The following CASTOR2 variants were observed in gnomAD, a reference collection of about 807,000 sequenced individuals.
CASTOR2 encodes the protein GATS protein like 2.
Under a neutral mutation model 31.2 loss-of-function variants are expected in CASTOR2, and 8 were observed. The ratio of observed to expected loss-of-function variants is 0.26; its 90% CI spans 0.15 to 0.46. The LOEUF is 0.46. Among genes scored for constraint, CASTOR2 ranks in the 20% least tolerant of loss-of-function variants. The probability of loss-of-function intolerance (pLI) is 0.99; values close to 1 mark genes in which losing one functional copy is unlikely to be tolerated. For synonymous variants in CASTOR2, 162 were observed against 158.7 expected (o/e 1.02, Z -0.16); for missense variants, 216 against 382.1 (o/e 0.57, Z 3.62).
At chr7:74,988,934 C>G (rs1345580218) in intron 1 of CASTOR2, among the ~76,000 whole-genome samples, 16 of 149,380 alleles carry the variant, frequency 1.1e-4, no homozygotes, top group Non-Finnish European at 1.5e-4. Context: ...AATATTAGGG[C>G]ATTCAGCCAT....
chr7:75,027,941 C>A lies in CASTOR2; in HGVS notation c.*3242C>A. 1 of 1,385,930 alleles carries A rather than the reference C, an allele frequency of 7.2e-7. No homozygotes were observed. Among genetic ancestry groups the A allele is most frequent in the Non-Finnish European group, 9.9e-7 (1 of 1,012,194 alleles). The allele number at this position is 1,385,930 out of a possible 1,614,324, so 85.9% of individuals were successfully genotyped here. On this transcript the variant is annotated 3_prime_UTR_variant, in exon 9 of 9. Coordinates refer to ENST00000616305, the MANE Select transcript of CASTOR2 (RefSeq NM_001145064.3). ...GGGAGGGTCTCTCCAGGCCCCAGAC[C>A]CCACTTGGAGGGGCATGTGTTTCTC...
chr7:74,981,419 G>A (rs1554436264), intron 1 of CASTOR2, among the ~76,000 whole-genome samples: 1 of 142,552 alleles, frequency 7.0e-6, no homozygotes, highest in African/African-American at 2.6e-5. Context: ...AACCTCAGGT[G>A]ATCCACCCGC....
intron 2 of CASTOR2, among the ~76,000 whole-genome samples, chr7:75,011,499 C>A (rs1351655176): frequency 1.3e-5 from 2 of 150,408 alleles, no homozygotes; most frequent in African/African-American, 4.9e-5. Context: ...CTTTGGGAGG[C>A]CGAGGTGGGT....
chr7:74,994,469 G>A (rs1309288617), intron 1 of CASTOR2, among the ~76,000 whole-genome samples: 2 of 152,120 alleles, frequency 1.3e-5, no homozygotes, highest in Non-Finnish European at 2.9e-5. Context: ...TGAATCAACC[G>A]CCCGGGTGTG....
intron 2 of CASTOR2, among the ~76,000 whole-genome samples, chr7:75,010,145 C>T (rs1804704555): frequency 6.6e-6 from 1 of 151,972 alleles, no homozygotes; most frequent in Non-Finnish European, 1.5e-5. Flanking sequence ...CAGCATGGTC[C>T]TTTCTGGGGG....
rs1805294460 is a variant in CASTOR2, at chr7:75,031,231, AT to A, written c.*6533del. On this transcript the variant is annotated 3_prime_UTR_variant, in exon 9 of 9. Transcript: ENST00000616305. ...CTCTGCCCTGCCCAGAGCCCCCACC[AT>A]CGTAGTGGGGGCAGGGGACTTCCTG... 1.3e-5 allele frequency among the ~76,000 whole-genome samples: 2 copies of A among 152,108 alleles called. No homozygotes were observed. The highest frequency in any genetic ancestry group is 4.8e-5 in the African/African-American group (2 of 41,524).
chr7:74,988,724 C>T (rs1309330045), intron 1 of CASTOR2, among the ~76,000 whole-genome samples: 1 of 152,150 alleles, frequency 6.6e-6, no homozygotes, highest in Non-Finnish European at 1.5e-5. Context: ...CACTGCCCCC[C>T]ACAGCGACCA....
chr7:75,021,559 G>A (rs1805005596), intron 6 of CASTOR2, among the ~76,000 whole-genome samples: 1 of 152,162 alleles, frequency 6.6e-6, no homozygotes, highest in Non-Finnish European at 1.5e-5. Context: ...CCGCAGCCCC[G>A]GTGCTATTTC....
intron 2 of CASTOR2, among the ~76,000 whole-genome samples, chr7:75,009,846 C>T (rs1230373047): frequency 6.6e-6 from 1 of 151,744 alleles, no homozygotes; most frequent in South Asian, 2.1e-4. Flanking sequence ...GGAAAGCACC[C>T]CTCCCTTCAT....
At position 75,030,696 on chromosome 7, in the gene CASTOR2, C is replaced by G. The variant is rs1460090093; in HGVS notation, c.*5997C>G. ...CGGCTTCCCCCCAGAGCAAGAGATT[C>G]AAGGGCCCAGGGTAAAAGCCAACGT... is the stretch of plus-strand genomic sequence containing the variant. On this transcript the variant is annotated 3_prime_UTR_variant, in exon 9 of 9. Transcript: ENST00000616305. Among the ~76,000 whole-genome samples, 1 of 152,154 alleles carries G rather than the reference C, an allele frequency of 6.6e-6. No homozygotes were observed. Among genetic ancestry groups the G allele is most frequent in the Non-Finnish European group, 1.5e-5 (1 of 68,032 alleles).
intron 6 of CASTOR2, among the ~76,000 whole-genome samples, chr7:75,021,099 C>G (rs1484326709): frequency 6.6e-6 from 1 of 152,168 alleles, no homozygotes; most frequent in Non-Finnish European, 1.5e-5. Context: ...TCAAGTGATT[C>G]TCCTGCCTCA....
chr7:74,997,457 C>T (rs1584468044), intron 1 of CASTOR2, among the ~76,000 whole-genome samples: 1 of 147,210 alleles, frequency 6.8e-6, no homozygotes, highest in Non-Finnish European at 1.5e-5. Flanking sequence ...TTTTTTGAGA[C>T]AGAGTCTTGC....
At position 75,027,020 on chromosome 7, in the gene CASTOR2, T is replaced by A. The variant is rs1805153105; in HGVS notation, c.*2321T>A. 1 of 152,270 alleles carries A rather than the reference T, an allele frequency of 6.6e-6. No individual in the cohort carries two copies. Among genetic ancestry groups the A allele is most frequent in the African/African-American group, 2.4e-5 (1 of 41,464 alleles). The allele number at this position is 152,270 out of a possible 1,614,324, so 9.4% of individuals were successfully genotyped here. A position where few individuals can be genotyped will look rare whatever the true frequency, so the allele number is the denominator to read the frequency against. On this transcript the variant is annotated 3_prime_UTR_variant, in exon 9 of 9. Coordinates refer to ENST00000616305, the MANE Select transcript of CASTOR2 (RefSeq NM_001145064.3). ...GAGCAATATATATGTTAATATATACTGTGTGCGCAGTCCGTGGACACAGCC... is the reference window on the plus strand; with the variant it reads ...GAGCAATATATATGTTAATATATACAGTGTGCGCAGTCCGTGGACACAGCC...
chr7:74,997,035 G>A (rs1232869270), intron 1 of CASTOR2, among the ~76,000 whole-genome samples: 7 of 151,276 alleles, frequency 4.6e-5, no homozygotes, highest in East Asian at 2.0e-4. Flanking sequence ...GCGCCCAGCC[G>A]CCTGGTGCTT....
chr7:74,974,588 GTCTCAC>G (rs1401462210), intron 1 of CASTOR2, among the ~76,000 whole-genome samples: 1 of 140,276 alleles, frequency 7.1e-6, no homozygotes, highest in African/African-American at 2.7e-5. Context: ...TTGAGACAGG[GTCTCAC>G]TCTGTCACCC....
At chr7:75,023,313 A>G (rs1941435502) in intron 7 of CASTOR2, among the ~76,000 whole-genome samples, 1 of 152,176 alleles carries the variant, frequency 6.6e-6, no homozygotes, top group Non-Finnish European at 1.5e-5. Context: ...ACCTCAAAAA[A>G]AGAAAAAAAA....
intron 2 of CASTOR2, among the ~76,000 whole-genome samples, chr7:75,014,571 G>A (rs113592242): frequency 3.8e-4 from 58 of 152,120 alleles, no homozygotes; most frequent in African/African-American, 1.3e-3. Flanking sequence ...CAGCCTGGGC[G>A]ACAGAGTAAG....
At chr7:74,988,398 C>T (rs1401681684) in intron 1 of CASTOR2, among the ~76,000 whole-genome samples, 4 of 151,736 alleles carry the variant, frequency 2.6e-5, no homozygotes, top group Non-Finnish European at 4.4e-5. Context: ...CCCGGGTTCA[C>T]GCCATTCTCC....
intron 1 of CASTOR2, among the ~76,000 whole-genome samples, chr7:74,994,091 G>A (rs1239424458): frequency 6.6e-6 from 1 of 152,210 alleles, no homozygotes; most frequent in Admixed American, 6.5e-5. Context: ...CGTGTCAGCC[G>A]GGCCGTCCAC....
Sources: allele counts gnomAD v4.1 joint callset (sites outside exome capture counted in the v4.1 genomes callset), GRCh38; gene constraint gnomAD v4.1.1; transcripts MANE v1.5; gene names NCBI Gene and HGNC (gene_info 2026-07-23, HGNC 2026-07-21).